The following CRHR1 variants were observed in gnomAD, a reference collection of about 807,000 sequenced individuals.
CRHR1 encodes corticotropin releasing hormone receptor 1.
In CRHR1, 28 loss-of-function variants were observed where a neutral mutation model predicts 56.0. That is an observed-to-expected ratio of 0.50 (90% CI 0.37 to 0.69). The LOEUF (loss-of-function observed/expected upper bound fraction) is 0.69, where lower values mean the gene tolerates loss of function less well. Among genes scored for constraint, CRHR1 ranks in the 30% least tolerant of loss-of-function variants. The pLI, the probability that CRHR1 is intolerant of heterozygous loss-of-function variation, is 0.00. For missense variants in CRHR1, 376 were observed against 548.0 expected (o/e 0.69, Z 3.13); for synonymous variants, 195 against 216.5 (o/e 0.90, Z 0.87).
At chr17:45,815,857 G>A (rs1422159946) in intron 2 of CRHR1, among the ~76,000 whole-genome samples, 3 of 152,194 alleles carry the variant, frequency 2.0e-5, no homozygotes, top group Non-Finnish European at 4.4e-5. Flanking sequence ...TTCTCCATCA[G>A]TCCTGTCCTA....
Position 45,830,565 on chromosome 17 carries a change from G to T in CRHR1, c.704G>T (p.Gly235Val). The T allele has an allele frequency of 6.2e-7, 1 of 1,604,316 alleles. No homozygotes were observed. The highest frequency in any genetic ancestry group is 8.5e-7 in the Non-Finnish European group (1 of 1,174,682). The stretch of plus-strand genomic sequence containing the variant: ...CGCAAATGGATGTTCATCTGCATTG[G>T]CTGGGGTGAGCTGGGCAGCCACCTC... The part of the protein sequence containing the change: ...RLRKWMFICI[G>V]WGVPFPIIVA... The change falls in exon 7 of 13, where the codon GGC becomes GTC. Residue 235 changes from glycine to valine, a missense_variant. Around this residue, in one of 2 missense-constraint regions of CRHR1, gnomAD observed 369 missense variants for 519.5 expected, o/e 0.71. Transcript: ENST00000314537.
chr17:45,834,907 G>A lies in CRHR1; in HGVS notation c.*143G>A, dbSNP rs555672312. The A allele has an allele frequency of 2.2e-5, 25 of 1,130,332 alleles. No homozygotes were observed. Among genetic ancestry groups the A allele is most frequent in the South Asian group, 1.2e-4 (8 of 67,046 alleles). 70.0% of individuals were successfully genotyped at this position (1,130,332 alleles called of 1,614,324 possible). On this transcript the variant is annotated 3_prime_UTR_variant, in exon 13 of 13. Coordinates refer to ENST00000314537, the MANE Select transcript of CRHR1 (RefSeq NM_004382.5). ...GCAGCTGGCACTGACAGCCTGGGGG[G>A]GCCGCTCTCCCCCTGCAGCCGTGCA...
At position 45,814,439 on chromosome 17, in the gene CRHR1, G is replaced by A. The variant is rs73313118; in HGVS notation, c.122-2024G>A. The stretch of plus-strand genomic sequence containing the variant: ...CCAAAATACCTGCCTATGAGTCTTG[G>A]TTCTTTCACCCATTGACCCATGACC... On this transcript the variant is annotated intron_variant, in intron 2 of 12. Coordinates refer to ENST00000314537, the MANE Select transcript of CRHR1 (RefSeq NM_004382.5). Among the ~76,000 whole-genome samples, 1,430 of 152,272 alleles carry A rather than the reference G, an allele frequency of 9.4e-3. 24 individuals are homozygous for A. Among genetic ancestry groups the A allele is most frequent in the African/African-American group, 0.033 (1,354 of 41,554 alleles).
chr17:45,803,775 T>TGTGTGTGTGTGTGCGC (rs71138510), intron 1 of CRHR1, among the ~76,000 whole-genome samples: 1 of 150,336 alleles, frequency 6.7e-6, no homozygotes, highest in Non-Finnish European at 1.5e-5. Flanking sequence ...TGTGTGTGTG[T>TGTGTGTGTGTGTGCGC]GCGTGCGCGT....
At chr17:45,805,254 T>TA (rs1036664719) in intron 1 of CRHR1, among the ~76,000 whole-genome samples, 1 of 152,306 alleles carries the variant, frequency 6.6e-6, no homozygotes, top group East Asian at 1.9e-4. Context: ...ATCTTTATTT[T>TA]AAAAAAATAA....
chr17:45,812,219 T>C (rs2061837294), intron 2 of CRHR1, among the ~76,000 whole-genome samples: 1 of 152,178 alleles, frequency 6.6e-6, no homozygotes, highest in African/African-American at 2.4e-5. Flanking sequence ...AAGAAAAAAG[T>C]CTGTACGTGT....
chr17:45,818,805 C>T lies in CRHR1; in HGVS notation c.241+2223C>T, dbSNP rs567443999. Among the ~76,000 whole-genome samples the T allele has an allele frequency of 9.6e-4, 146 of 152,170 alleles. 1 individual carries two copies. The highest frequency in any genetic ancestry group is 1.7e-3 in the Non-Finnish European group (117 of 68,026). On this transcript the variant is annotated intron_variant, in intron 3 of 12. Coordinates refer to ENST00000314537, the MANE Select transcript of CRHR1 (RefSeq NM_004382.5). ...GGACTTCTAGGCCTTCTCCCTAATG[C>T]CCTCCCTCCTGCTGCATCTGATCTT... is the stretch of plus-strand genomic sequence containing the variant.
At chr17:45,797,973 C>T (rs528473876) in intron 1 of CRHR1, among the ~76,000 whole-genome samples, 4 of 152,216 alleles carry the variant, frequency 2.6e-5, no homozygotes, top group East Asian at 3.9e-4. Context: ...CTAGCACATC[C>T]TTCTGGAGTC....
At chr17:45,812,235 A>G (rs1383472753) in intron 2 of CRHR1, among the ~76,000 whole-genome samples, 1 of 152,242 alleles carries the variant, frequency 6.6e-6, no homozygotes, top group Non-Finnish European at 1.5e-5. Context: ...CGTGTTCAGT[A>G]CACTTTTCCC....
chr17:45,818,317 A>G (rs2143086241), intron 3 of CRHR1, among the ~76,000 whole-genome samples: 1 of 152,270 alleles, frequency 6.6e-6, no homozygotes, highest in East Asian at 1.9e-4. Flanking sequence ...GCCACCCCCC[A>G]TGAGTTCCCT....
intron 2 of CRHR1, among the ~76,000 whole-genome samples, chr17:45,815,918 TAACAGGCCAGCCGGAAGAAGG>T: frequency 6.6e-6 from 1 of 152,286 alleles, no homozygotes; most frequent in East Asian, 1.9e-4. Context: ...TAAGTGTGGT[TAACAGGCCAGCCGGAAGAAGG>T]AACAGGCCAG....
At chr17:45,793,118 C>T (rs1301885925) in intron 1 of CRHR1, among the ~76,000 whole-genome samples, 1 of 152,212 alleles carries the variant, frequency 6.6e-6, no homozygotes, top group Non-Finnish European at 1.5e-5. Flanking sequence ...CAGATAGGTC[C>T]CTCTCTGCCT....
intron 1 of CRHR1, among the ~76,000 whole-genome samples, chr17:45,800,108 C>T (rs1360857389): frequency 6.6e-6 from 1 of 152,210 alleles, no homozygotes; most frequent in South Asian, 2.1e-4. Context: ...ATCTTGCCAT[C>T]GTCATGTATG....
In CRHR1 at chr17:45,834,779, G is replaced by A; in HGVS notation, c.*15G>A. On this transcript the variant is annotated 3_prime_UTR_variant, in exon 13 of 13. Transcript: ENST00000314537. ...CAGCAGTCTGAGCTGGCAGGTCATGGAGCAGCCCCCAAAGAGCTGTGGCTG... is the reference window on the plus strand; with the variant it reads ...CAGCAGTCTGAGCTGGCAGGTCATGAAGCAGCCCCCAAAGAGCTGTGGCTG... The A allele has an allele frequency of 4.3e-6, 7 of 1,613,380 alleles. No homozygotes were observed. The highest frequency in any genetic ancestry group is 5.9e-6 in the Non-Finnish European group (7 of 1,179,880).
chr17:45,833,693 T>TGGGGGGGGCGGC, intron 10 of CRHR1, 21 bp from the exon 11 acceptor site: 1 of 1,571,618 alleles, frequency 6.4e-7, no homozygotes, highest in Non-Finnish European at 8.7e-7. Context: ...ACTCCGAGCC[T>TGGGGGGGGCGGC]CCCCACCCGC....
intron 9 of CRHR1, 115 bp downstream of exon 9, chr17:45,833,325 A>C: frequency 6.9e-7 from 1 of 1,443,810 alleles, no homozygotes; most frequent in Non-Finnish European, 9.7e-7. Flanking sequence ...AAGAGGGGGC[A>C]TGGGTCAGAG....
At chr17:45,808,678 T>G (rs1185453418) in intron 2 of CRHR1, among the ~76,000 whole-genome samples, 1 of 152,236 alleles carries the variant, frequency 6.6e-6, no homozygotes, top group Non-Finnish European at 1.5e-5. Flanking sequence ...AGATGGGATC[T>G]CACTCTATCA....
At chr17:45,814,951 T>A (rs921810012) in intron 2 of CRHR1, among the ~76,000 whole-genome samples, 1 of 152,256 alleles carries the variant, frequency 6.6e-6, no homozygotes, top group Non-Finnish European at 1.5e-5. Flanking sequence ...TGAATAGCTT[T>A]GATTAGAAAG....
chr17:45,814,243 C>T (rs972116131), intron 2 of CRHR1, among the ~76,000 whole-genome samples: 12 of 152,228 alleles, frequency 7.9e-5, no homozygotes, highest in Non-Finnish European at 1.6e-4. Flanking sequence ...GAGCAAGCTA[C>T]TGAGGAAGGT....
Sources: gnomAD v4.1 joint callset for allele counts (sites outside exome capture counted in the v4.1 genomes callset) on GRCh38, gnomAD v4.1.1 for gene constraint, gnomAD v4.1.1 regional missense constraint, MANE v1.5 for transcripts, NCBI Gene and HGNC (gene_info 2026-07-23, HGNC 2026-07-21) for gene names.